Variants in ENTREP2 observed in about 807,000 individuals in gnomAD.
ENTREP2 encodes endosomal transmembrane epsin interactor 2.
chr15:29,481,053 C>A, the ENTREP2 span, among the ~76,000 whole-genome samples: 3 of 152,186 alleles, frequency 2.0e-5, no homozygotes, highest in Admixed American at 6.5e-5. Context: ...AGAAGGAGTG[C>A]TGCCTTGGGG....
At chr15:29,416,926 A>C in the ENTREP2 span, among the ~76,000 whole-genome samples, 2 of 152,244 alleles carry the variant, frequency 1.3e-5, no homozygotes, top group African/African-American at 4.8e-5. Flanking sequence ...AGAGAAATGC[A>C]AATCAAAACC....
chr15:29,301,982 C>T, the ENTREP2 span, among the ~76,000 whole-genome samples: 38 of 152,172 alleles, frequency 2.5e-4, 1 homozygote, highest in African/African-American at 8.4e-4. Flanking sequence ...TGTAAGTTAC[C>T]CAGCCTATGG....
the ENTREP2 span, among the ~76,000 whole-genome samples, chr15:29,644,106 G>C: frequency 6.6e-6 from 1 of 152,148 alleles, no homozygotes; most frequent in African/African-American, 2.4e-5. Context: ...CATTTGTCAA[G>C]AAGAATAAAT....
chr15:29,335,524 A>G, the ENTREP2 span, among the ~76,000 whole-genome samples: 2 of 152,350 alleles, frequency 1.3e-5, no homozygotes, highest in Admixed American at 6.5e-5. Flanking sequence ...AGCAGAGGTC[A>G]GAAATGCCAA....
chr15:29,381,009 T>C, the ENTREP2 span, among the ~76,000 whole-genome samples: 2 of 151,470 alleles, frequency 1.3e-5, no homozygotes, highest in Admixed American at 1.3e-4. Context: ...CCGCCAACAT[T>C]CCCCGGCTAA....
At chr15:29,178,623 C>G in the ENTREP2 span, among the ~76,000 whole-genome samples, 2 of 152,006 alleles carry the variant, frequency 1.3e-5, no homozygotes, top group African/African-American at 2.4e-5. Context: ...TTTGCTCACC[C>G]AACTTCCCCT....
chr15:29,604,999 GC>G, the ENTREP2 span, among the ~76,000 whole-genome samples: 1 of 152,186 alleles, frequency 6.6e-6, no homozygotes. Flanking sequence ...TCAAAGGCAG[GC>G]TAACCTCAAA....
the ENTREP2 span, among the ~76,000 whole-genome samples, chr15:29,477,149 G>C: frequency 3.3e-5 from 5 of 152,216 alleles, no homozygotes; most frequent in Admixed American, 2.6e-4. Flanking sequence ...TAAGAGATCA[G>C]ACACTAAATA....
the ENTREP2 span, among the ~76,000 whole-genome samples, chr15:29,244,614 G>A: frequency 3.3e-5 from 5 of 152,246 alleles, no homozygotes; most frequent in African/African-American, 4.8e-5. Context: ...GGGAAGCAGC[G>A]TGGTGGCCTG....
the ENTREP2 span, among the ~76,000 whole-genome samples, chr15:29,179,298 G>A: frequency 6.6e-6 from 1 of 152,240 alleles, no homozygotes; most frequent in African/African-American, 2.4e-5. Flanking sequence ...GGTGAGTATA[G>A]GAGCCATGTG....
At chr15:29,243,671 G>A in the ENTREP2 span, among the ~76,000 whole-genome samples, 1 of 151,920 alleles carries the variant, frequency 6.6e-6, no homozygotes, top group Non-Finnish European at 1.5e-5. Flanking sequence ...AATCTCTAAA[G>A]ATTTGCTAAA....
At chr15:29,469,180 T>G in the ENTREP2 span, among the ~76,000 whole-genome samples, 2 of 152,102 alleles carry the variant, frequency 1.3e-5, no homozygotes, top group Non-Finnish European at 2.9e-5. Flanking sequence ...TGCAAGATTC[T>G]GCTTCTTTTT....
At chr15:29,356,962 C>T in the ENTREP2 span, among the ~76,000 whole-genome samples, 1 of 152,028 alleles carries the variant, frequency 6.6e-6, no homozygotes, top group Admixed American at 6.5e-5. Context: ...GGGGGCCCTT[C>T]CTCCTCACAG....
At chr15:29,546,634 C>A in the ENTREP2 span, among the ~76,000 whole-genome samples, 1 of 152,032 alleles carries the variant, frequency 6.6e-6, no homozygotes, top group East Asian at 1.9e-4. Context: ...TGCCTGTAAT[C>A]CCAGCACTTT....
chr15:29,159,453 T>C, the ENTREP2 span, among the ~76,000 whole-genome samples: 1 of 152,234 alleles, frequency 6.6e-6, no homozygotes, highest in Non-Finnish European at 1.5e-5. Flanking sequence ...GCCGGGTTGC[T>C]ACTGCTAGCT....
chr15:29,220,172 G>A, the ENTREP2 span, among the ~76,000 whole-genome samples: 142 of 152,234 alleles, frequency 9.3e-4, 1 homozygote, highest in African/African-American at 3.3e-3. Context: ...AGACCCGCTG[G>A]GCTGGCTCAG....
At chr15:29,304,617 T>C in the ENTREP2 span, among the ~76,000 whole-genome samples, 2 of 152,138 alleles carry the variant, frequency 1.3e-5, no homozygotes, top group African/African-American at 4.8e-5. Flanking sequence ...CTTTAAAAAA[T>C]TAAGCCAGGC....
chr15:29,157,788 G>A, the ENTREP2 span, among the ~76,000 whole-genome samples: 1 of 150,816 alleles, frequency 6.6e-6, no homozygotes, highest in Admixed American at 6.6e-5. Context: ...GGAATGCAGT[G>A]GCGCGATATC....
chr15:29,132,538 G>A, the ENTREP2 span, among the ~76,000 whole-genome samples: 5 of 152,202 alleles, frequency 3.3e-5, no homozygotes, highest in Non-Finnish European at 5.9e-5. Flanking sequence ...ATGCTAATTC[G>A]AGATCAGCCT....
Sources: gnomAD v4.1 joint callset for allele counts (sites outside exome capture counted in the v4.1 genomes callset) on GRCh38, gnomAD v4.1.1 for gene constraint, MANE v1.5 for transcripts, NCBI Gene and HGNC (gene_info 2026-07-23, HGNC 2026-07-21) for gene names.